COLQ: variants seen among roughly 807,000 people sequenced by gnomAD.
The protein encoded by COLQ is collagen like tail subunit of asymmetric acetylcholinesterase, also known as acetylcholinesterase collagenic tail peptide.
Under a neutral mutation model 69.0 loss-of-function variants are expected in COLQ, and 48 were observed. That is an observed-to-expected ratio of 0.70 (90% CI 0.55 to 0.88). The LOEUF is 0.88. Ranked by LOEUF, COLQ falls within the 40% of genes least tolerant of loss-of-function variation. The probability of loss-of-function intolerance (pLI) is 0.00; values close to 1 mark genes in which losing one functional copy is unlikely to be tolerated. For missense variants in COLQ, 618 were observed against 594.6 expected (o/e 1.04, Z -0.41); for synonymous variants, 217 against 211.2 (o/e 1.03, Z -0.24).
At position 15,489,554 on chromosome 3, in the gene COLQ, G is replaced by A; in HGVS notation, c.190C>T (p.Pro64Ser). 1.2e-6 allele frequency: 2 copies of A among 1,614,204 alleles called. No homozygotes were observed. The highest frequency in any genetic ancestry group is 1.7e-6 in the Non-Finnish European group (2 of 1,180,028). The change falls in exon 2 of 17, where the codon CCA (proline) becomes TCA (serine). Residue 64 changes from proline to serine, a missense_variant. By Grantham distance (74) the Pro-to-Ser change is moderately conservative (BLOSUM62 -1). Transcript: ENST00000383788. ...LTPPPPPLFPPPFFRGGRSPL... is the reference protein window; with the variant it reads ...LTPPPPPLFPSPFFRGGRSPL... The stretch of plus-strand genomic sequence containing the variant: ...CTTCGGCCACCTCTGAAGAATGGTG[G>A]TGGGAACAGTGGTGGTGGAGGAGGC...
chr3:15,475,211 C>T lies in COLQ; in HGVS notation c.528+214G>A, dbSNP rs2062359369. ...TGCTCTGATGTCCAGAAGCTTGGTTCTTCCTGCCCAAGAGAACAGCAGGAA... is the reference window on the plus strand; with the variant it reads ...TGCTCTGATGTCCAGAAGCTTGGTTTTTCCTGCCCAAGAGAACAGCAGGAA... On this transcript the variant is annotated intron_variant, in intron 7 of 16. Coordinates refer to ENST00000383788, the MANE Select transcript of COLQ (RefSeq NM_005677.4). 6.1e-6 allele frequency: 4 copies of T among 653,904 alleles called. No individual in the cohort carries two copies. The Admixed American group carries it at 1.1e-4, about 17-fold the overall frequency. 40.5% of individuals were successfully genotyped at this position (653,904 alleles called of 1,614,324 possible).
At chr3:15,462,944 T>C (rs1392246372) in intron 12 of COLQ, among the ~76,000 whole-genome samples, 3 of 151,832 alleles carry the variant, frequency 2.0e-5, no homozygotes, top group Non-Finnish European at 4.4e-5. Flanking sequence ...CAGGGCGTGA[T>C]TGGGCAGAGG....
chr3:15,490,507 G>C (rs551119765), intron 1 of COLQ, among the ~76,000 whole-genome samples: 1 of 152,328 alleles, frequency 6.6e-6, no homozygotes, highest in Admixed American at 6.5e-5. Flanking sequence ...TATGTAAATG[G>C]AATCATACAA....
intron 12 of COLQ, among the ~76,000 whole-genome samples, chr3:15,460,499 C>T (rs1387242515): frequency 1.3e-5 from 2 of 152,110 alleles, no homozygotes; most frequent in Non-Finnish European, 2.9e-5. Context: ...TCTGGGGCAG[C>T]CAGGGGCTGG....
chr3:15,515,766 A>T (rs1384573961), intron 1 of COLQ, among the ~76,000 whole-genome samples: 1 of 152,224 alleles, frequency 6.6e-6, no homozygotes, highest in East Asian at 1.9e-4. Context: ...AGATCGTGCC[A>T]CTGCACTCCA....
intron 10 of COLQ, 161 bp from the exon 11 acceptor site, chr3:15,470,777 T>C (rs919076496): frequency 6.9e-6 from 5 of 725,350 alleles, no homozygotes; most frequent in Middle Eastern, 2.3e-4. Flanking sequence ...GAGGAAGTCA[T>C]GAGAAAGGCA....
rs373203268 is a variant in COLQ, at chr3:15,454,862, T to A, written c.1196-931A>T. On this transcript the variant is annotated intron_variant, in intron 15 of 16. Transcript: ENST00000383788. ...ATTTTTTTTTGTAGAGATTGGGTCTTGCTCTGTTGCCCAGGCTGGTCTTGA... is the reference window on the plus strand; with the variant it reads ...ATTTTTTTTTGTAGAGATTGGGTCTAGCTCTGTTGCCCAGGCTGGTCTTGA... 9.2e-5 allele frequency among the ~76,000 whole-genome samples: 14 copies of A among 152,032 alleles called. 1 individual carries two copies. The highest frequency in any genetic ancestry group is 1.9e-4 in the East Asian group (1 of 5,174).
At chr3:15,463,817 C>A (rs1160277087) in intron 12 of COLQ, among the ~76,000 whole-genome samples, 1 of 152,116 alleles carries the variant, frequency 6.6e-6, no homozygotes, top group East Asian at 1.9e-4. Flanking sequence ...GTTGAAAGGA[C>A]CCCCATTCAG....
intron 1 of COLQ, among the ~76,000 whole-genome samples, chr3:15,492,058 A>C (rs1240258432): frequency 8.0e-6 from 1 of 125,712 alleles, no homozygotes; most frequent in Non-Finnish European, 1.9e-5. Flanking sequence ...CTCCATCTCA[A>C]AAAAAAAAAA....
At chr3:15,486,240 G>A (rs1349811792) in intron 3 of COLQ, among the ~76,000 whole-genome samples, 1 of 152,180 alleles carries the variant, frequency 6.6e-6, no homozygotes, top group Non-Finnish European at 1.5e-5. Context: ...CAACTTTAAT[G>A]TGCAGATGAC....
chr3:15,501,285 T>C (rs1194467130), intron 1 of COLQ, among the ~76,000 whole-genome samples: 1 of 152,200 alleles, frequency 6.6e-6, no homozygotes, highest in Non-Finnish European at 1.5e-5. Flanking sequence ...CGGGAGCTGT[T>C]CCAGGTGCTC....
At chr3:15,513,823 G>C (rs2063019955) in intron 1 of COLQ, among the ~76,000 whole-genome samples, 1 of 152,176 alleles carries the variant, frequency 6.6e-6, no homozygotes, top group Non-Finnish European at 1.5e-5. Flanking sequence ...CAGATATCCA[G>C]ATCCTGATCC....
intron 1 of COLQ, among the ~76,000 whole-genome samples, chr3:15,520,679 C>G (rs548105341): frequency 4.6e-5 from 7 of 152,158 alleles, no homozygotes; most frequent in Non-Finnish European, 1.0e-4. Flanking sequence ...TGAGTTTCCT[C>G]AGAAAGGTTT....
intron 1 of COLQ, among the ~76,000 whole-genome samples, chr3:15,515,731 A>G (rs2063052555): frequency 6.6e-6 from 1 of 152,190 alleles, no homozygotes; most frequent in Non-Finnish European, 1.5e-5. Flanking sequence ...GTTTGAACCC[A>G]GGAGGTGGAG....
rs528846012 is a variant in COLQ, at chr3:15,489,691, C to T, written c.107-54G>A. 2.0e-6 allele frequency: 3 copies of T among 1,528,338 alleles called. No homozygotes were observed. The East Asian group carries it at 6.9e-5, about 35-fold the overall frequency. 94.7% of individuals were successfully genotyped at this position (1,528,338 alleles called of 1,614,324 possible). On this transcript the variant is annotated intron_variant, in intron 1 of 16. Transcript: ENST00000383788. ...CATGTGGTCAGTGCTGGGCCTCTGT[C>T]ACACCCACCGTGCCCAGGGAAGACC...
chr3:15,518,906 G>A (rs2063099026), intron 1 of COLQ, among the ~76,000 whole-genome samples: 1 of 152,006 alleles, frequency 6.6e-6, no homozygotes, highest in Non-Finnish European at 1.5e-5. Flanking sequence ...AGATTTTCCT[G>A]GTTGCCCTTA....
At chr3:15,516,129 T>G (rs2125188553) in intron 1 of COLQ, among the ~76,000 whole-genome samples, 1 of 152,326 alleles carries the variant, frequency 6.6e-6, no homozygotes, top group Middle Eastern at 3.4e-3. Context: ...CTTAGAGAGT[T>G]CTTTAATTTA....
intron 1 of COLQ, among the ~76,000 whole-genome samples, chr3:15,491,122 T>C (rs1180468331): frequency 6.6e-6 from 1 of 152,118 alleles, no homozygotes; most frequent in Admixed American, 6.5e-5. Context: ...AAGAGCCAGC[T>C]TGAATGGTTA....
At chr3:15,517,372 A>C (rs2063077131) in intron 1 of COLQ, among the ~76,000 whole-genome samples, 2 of 152,192 alleles carry the variant, frequency 1.3e-5, no homozygotes, top group Non-Finnish European at 2.9e-5. Flanking sequence ...CCATTTCCTC[A>C]TCTGAAAGGG....
Sources: gnomAD v4.1 joint callset for allele counts (sites outside exome capture counted in the v4.1 genomes callset) on GRCh38, gnomAD v4.1.1 for gene constraint, MANE v1.5 for transcripts, NCBI Gene and HGNC (gene_info 2026-07-23, HGNC 2026-07-21) for gene names.